Variants in RPF1 observed in about 807,000 individuals in gnomAD.
The protein encoded by RPF1 is ribosome production factor 1 homolog, also known as ribosome production factor 1.
Under a neutral mutation model 41.9 loss-of-function variants are expected in RPF1, and 34 were observed. The observed-to-expected ratio is 0.81, with a 90% CI of 0.62 to 1.08. RPF1 has a LOEUF of 1.08. RPF1 is among the 50% of genes least tolerant of loss of function. The pLI is 0.00. For missense variants in RPF1, 425 were observed against 435.2 expected (o/e 0.98, Z 0.21); for synonymous variants, 140 against 148.9 (o/e 0.94, Z 0.43).
At chr1:84,479,827 T>G (rs550700026) in intron 1 of RPF1, among the ~76,000 whole-genome samples, 2 of 152,208 alleles carry the variant, frequency 1.3e-5, no homozygotes, top group Non-Finnish European at 2.9e-5. Flanking sequence ...AAGGCAAAAG[T>G]CTCAGCCCTT....
chr1:84,489,729 G>T lies in RPF1; in HGVS notation c.462+1G>T. On this transcript the variant is annotated splice_donor_variant, in intron 4 of 8. Transcript: ENST00000370654. LOFTEE classifies it high-confidence loss of function. The stretch of plus-strand genomic sequence containing the variant: ...CACAACATCAGATAGACCTCATGGG[G>T]TAAACACATTGATTAATTTAGTTCT... 1 of 1,507,734 alleles carries T rather than the reference G, an allele frequency of 6.6e-7. No individual in the cohort carries two copies. The highest frequency in any genetic ancestry group is 9.2e-7 in the Non-Finnish European group (1 of 1,083,580). The allele number at this position is 1,507,734 out of a possible 1,614,324, so 93.4% of individuals were successfully genotyped here.
At chr1:84,494,670 T>C (rs1681896559) in intron 5 of RPF1, among the ~76,000 whole-genome samples, 2 of 152,236 alleles carry the variant, frequency 1.3e-5, no homozygotes, top group African/African-American at 4.8e-5. Flanking sequence ...CCAGGACTTC[T>C]AGAGTCCTTG....
At chr1:84,496,190 ATAATGT>A in intron 7 of RPF1, 48 bp from the exon 8 acceptor site, 6 of 1,545,716 alleles carry the variant, frequency 3.9e-6, no homozygotes, top group Non-Finnish European at 2.7e-6. Context: ...GAACCCTGTC[ATAATGT>A]TAAACAATAG....
intron 1 of RPF1, among the ~76,000 whole-genome samples, chr1:84,480,023 C>A (rs1448261461): frequency 6.6e-6 from 1 of 152,188 alleles, no homozygotes; most frequent in African/African-American, 2.4e-5. Context: ...GGTAAACAAA[C>A]TGAAACGTAA....
chr1:84,483,086 C>A, intron 3 of RPF1, 91 bp downstream of exon 3: 2 of 777,510 alleles, frequency 2.6e-6, no homozygotes, highest in South Asian at 3.4e-5. Flanking sequence ...GCTGGCTGGC[C>A]AAGTTGCATA....
Position 84,497,744 on chromosome 1 carries a change from T to G in RPF1, c.*274T>G, listed in dbSNP as rs964459261. 1.2e-5 allele frequency: 4 copies of G among 320,424 alleles called. No individual in the cohort carries two copies. The highest frequency in any genetic ancestry group is 4.3e-5 in the African/African-American group (2 of 46,010). The allele number at this position is 320,424 out of a possible 1,614,324, so 19.8% of individuals were successfully genotyped here. On this transcript the variant is annotated 3_prime_UTR_variant, in exon 9 of 9. Coordinates refer to ENST00000370654, the MANE Select transcript of RPF1 (RefSeq NM_025065.7). Reference sequence around the variant, plus strand: ...AGTTGGAATCAAGATTCAGATTAACTTTCCTATTTGCATAGAACACATGAG... The same window carrying G: ...AGTTGGAATCAAGATTCAGATTAACGTTCCTATTTGCATAGAACACATGAG...
In RPF1 at chr1:84,484,683, C is replaced by CT. The variant is rs34645953; in HGVS notation, c.366+1704dup. Among the ~76,000 whole-genome samples the CT allele has an allele frequency of 1.9e-3, 271 of 141,052 alleles. 1 individual carries two copies. Among genetic ancestry groups the CT allele is most frequent in the Middle Eastern group, 3.6e-3 (1 of 274 alleles). 92.5% of individuals were successfully genotyped at this position (141,052 alleles called of 152,430 possible). A position where few individuals can be genotyped will look rare whatever the true frequency, so the allele number is the denominator to read the frequency against. ...GCCTGAAATGCTTGGGACCAGAAGT[C>CT]TTTTTTTTTTTTTTTTCTCCGAGGT... On this transcript the variant is annotated intron_variant, in intron 3 of 8. Transcript: ENST00000370654.
chr1:84,487,757 G>C (rs1222036755), intron 3 of RPF1, among the ~76,000 whole-genome samples: 1 of 151,938 alleles, frequency 6.6e-6, no homozygotes, highest in East Asian at 1.9e-4. Flanking sequence ...TTTTCTGTTT[G>C]GTGTGAGAAT....
At chr1:84,497,273 G>A (rs1031430666) in intron 8 of RPF1, among the ~76,000 whole-genome samples, 156 bp from the exon 9 acceptor site, 4 of 151,648 alleles carry the variant, frequency 2.6e-5, no homozygotes, top group African/African-American at 4.9e-5. Context: ...ATATTAGACC[G>A]AAGACTGACT....
intron 3 of RPF1, 28 bp downstream of exon 3, chr1:84,483,023 G>A (rs1292990358): frequency 1.5e-6 from 2 of 1,309,982 alleles, no homozygotes; most frequent in South Asian, 2.4e-5. Context: ...AAATTAGTTT[G>A]AATGATCACA....
At chr1:84,495,803 T>C (rs1681924830) in intron 6 of RPF1, 79 bp from the exon 7 acceptor site, 1 of 930,146 alleles carries the variant, frequency 1.1e-6, no homozygotes, top group African/African-American at 1.7e-5. Flanking sequence ...CATGTAAATT[T>C]TGATACTTGA....
In RPF1 at chr1:84,493,281, G is replaced by T. The variant is rs1029503483; in HGVS notation, c.617-2092G>T. On this transcript the variant is annotated intron_variant, in intron 5 of 8. Coordinates refer to ENST00000370654, the MANE Select transcript of RPF1 (RefSeq NM_025065.7). Reference sequence around the variant, plus strand: ...TAGCCTGTGGTGAATCTTTTAAAATGATAGAATTCAAACGTTTGCTGATAA... The same window carrying T: ...TAGCCTGTGGTGAATCTTTTAAAATTATAGAATTCAAACGTTTGCTGATAA... Among the ~76,000 whole-genome samples, 3 of 145,176 alleles carry T rather than the reference G, an allele frequency of 2.1e-5. No homozygotes were observed. In the Admixed American group the frequency reaches 2.1e-4, roughly 10 times the overall value.
In RPF1 at chr1:84,490,417, C is replaced by T. The variant is rs1465895960; in HGVS notation, c.561C>T (p.Cys187=). Residue 187 remains cysteine, a synonymous_variant, in exon 5 of 9, where the codon TGC becomes TGT. Coordinates refer to ENST00000370654, the MANE Select transcript of RPF1 (RefSeq NM_025065.7). ...GLALKKIIPQ[C]IARDFTDLIV... Reference sequence around the variant, plus strand: ...CTCTGAAAAAAATTATTCCACAGTGCATCGCAAGAGATTTCACAGACCTGA... The same window carrying T: ...CTCTGAAAAAAATTATTCCACAGTGTATCGCAAGAGATTTCACAGACCTGA... 6.8e-6 allele frequency: 11 copies of T among 1,610,702 alleles called. No homozygotes were observed. Among genetic ancestry groups the T allele is most frequent in the South Asian group, 1.1e-5 (1 of 90,464 alleles).
In RPF1 at chr1:84,490,358, C is replaced by G. The variant is rs1558543314; in HGVS notation, c.502C>G (p.Pro168Ala). ...CTGTGAACAGCTCTCCACAGTTATA[C>G]CAAACTCACATGTTTATTACAGAAG... ...RLCEQLSTVI[P>A]NSHVYYRRGL... is the part of the protein sequence containing the mutation. The change falls in exon 5 of 9, where the codon CCA (proline) becomes GCA (alanine). Residue 168 changes from proline (P) to alanine (A), a missense_variant. Coordinates refer to ENST00000370654, the MANE Select transcript of RPF1 (RefSeq NM_025065.7). The G allele has an allele frequency of 6.2e-7, 1 of 1,608,990 alleles. No homozygotes were observed. The highest frequency in any genetic ancestry group is 1.1e-5 in the South Asian group (1 of 89,892).
intron 3 of RPF1, among the ~76,000 whole-genome samples, chr1:84,487,640 T>G (rs1681758690): frequency 1.3e-5 from 2 of 152,138 alleles, no homozygotes; most frequent in African/African-American, 4.8e-5. Flanking sequence ...GCTTTTTATG[T>G]AATATTTAAG....
In RPF1 at chr1:84,479,371, C is replaced by T; in HGVS notation, c.90C>T (p.Gly30=). 6.2e-7 allele frequency: 1 copy of T among 1,614,074 alleles called. No individual in the cohort carries two copies. The highest frequency in any genetic ancestry group is 8.5e-7 in the Non-Finnish European group (1 of 1,179,940). The change falls in exon 1 of 9, where the codon GGC becomes GGT. Residue 30 remains glycine, a synonymous_variant. Transcript: ENST00000370654. The stretch of plus-strand genomic sequence containing the variant: ...CCGAAGAACTTCAGGAGGCTGCAGG[C>T]GCTGGGGATGGGGCGACGGAAAACG... ...AAAEELQEAA[G]AGDGATENGV...
At chr1:84,496,434 A>G (rs1570355171) in intron 8 of RPF1, 64 bp downstream of exon 8, 5 of 1,424,518 alleles carry the variant, frequency 3.5e-6, no homozygotes, top group East Asian at 2.3e-5. Flanking sequence ...GGGTGGGAGG[A>G]GAGAGAGCAT....
intron 2 of RPF1, among the ~76,000 whole-genome samples, chr1:84,481,329 C>A (rs1681643528): frequency 6.6e-6 from 1 of 152,146 alleles, no homozygotes; most frequent in South Asian, 2.1e-4. Context: ...TATACGGTAA[C>A]ACAGTGGTGG....
rs575850309 is a variant in RPF1 at position 84,495,924 on chromosome 1, C to G, written c.742C>G (p.Leu248Val). The G allele has an allele frequency of 6.2e-7, 1 of 1,610,560 alleles. No individual in the cohort carries two copies. The highest frequency in any genetic ancestry group is 1.3e-5 in the African/African-American group (1 of 74,896). The change falls in exon 7 of 9, where the codon CTG becomes GTG. Residue 248 changes from leucine (L) to valine (V), a missense_variant. Transcript: ENST00000370654. ...CACAGAACACATACCTGAAATAATT[C>G]TGAATAATTTTACAACACGGCTGGG... ...DPTEHIPEII[L>V]NNFTTRLGHS...
Sources: allele counts gnomAD v4.1 joint callset (sites outside exome capture counted in the v4.1 genomes callset), GRCh38; gene constraint gnomAD v4.1.1; transcripts MANE v1.5; gene names NCBI Gene and HGNC (gene_info 2026-07-23, HGNC 2026-07-21).